Variants in MOSMO observed in about 807,000 individuals in gnomAD.
MOSMO encodes the protein modulator of smoothened protein.
Under a neutral mutation model 18.4 loss-of-function variants are expected in MOSMO, and 5 were observed. The ratio of observed to expected loss-of-function variants is 0.27; its 90% CI spans 0.14 to 0.57. The LOEUF is 0.57. Ranked by LOEUF, MOSMO falls within the 20% of genes least tolerant of loss-of-function variation. MOSMO has a pLI of 0.92. For missense variants in MOSMO, 138 were observed against 211.8 expected (o/e 0.65, Z 2.16); for synonymous variants, 82 against 82.3 (o/e 1.00, Z 0.02).
chr16:22,078,189 G>A (rs570494629), intron 2 of MOSMO, among the ~76,000 whole-genome samples: 4 of 151,682 alleles, frequency 2.6e-5, no homozygotes, highest in East Asian at 3.9e-4. Context: ...TCTGACTCTC[G>A]CCACCAAGAA....
At chr16:22,032,246 G>A (rs1900010601) in intron 1 of MOSMO, among the ~76,000 whole-genome samples, 1 of 147,192 alleles carries the variant, frequency 6.8e-6, no homozygotes, top group African/African-American at 2.5e-5. Flanking sequence ...CTAGAGTGCA[G>A]TGGAGCAATC....
At chr16:22,015,079 T>A (rs1279848907) in intron 1 of MOSMO, among the ~76,000 whole-genome samples, 1 of 152,168 alleles carries the variant, frequency 6.6e-6, no homozygotes, top group Non-Finnish European at 1.5e-5. Flanking sequence ...AACATTTTCA[T>A]TACTCCAAGA....
At chr16:22,031,759 A>G (rs941768793) in intron 1 of MOSMO, among the ~76,000 whole-genome samples, 1 of 152,214 alleles carries the variant, frequency 6.6e-6, no homozygotes, top group African/African-American at 2.4e-5. Flanking sequence ...TTCATCAGTA[A>G]GTAGACATTT....
intron 1 of MOSMO, among the ~76,000 whole-genome samples, chr16:22,066,404 A>G (rs1328478924): frequency 6.6e-6 from 1 of 152,178 alleles, no homozygotes; most frequent in Admixed American, 6.5e-5. Context: ...AAAAGCTCCA[A>G]CTTATTTCTG....
At chr16:22,010,266 A>C (rs1199203048) in intron 1 of MOSMO, among the ~76,000 whole-genome samples, 2 of 152,194 alleles carry the variant, frequency 1.3e-5, no homozygotes, top group Non-Finnish European at 2.9e-5. Flanking sequence ...ATTGTAAAAG[A>C]TATGAAGAAT....
chr16:22,023,554 T>G (rs1218413351), intron 1 of MOSMO, among the ~76,000 whole-genome samples: 2 of 152,196 alleles, frequency 1.3e-5, no homozygotes, highest in Non-Finnish European at 2.9e-5. Context: ...TTTCTCTTTT[T>G]ATTAGCCTAG....
intron 1 of MOSMO, among the ~76,000 whole-genome samples, chr16:22,057,275 G>A (rs1033767972): frequency 6.6e-6 from 1 of 152,224 alleles, no homozygotes; most frequent in Admixed American, 6.5e-5. Flanking sequence ...GGTGTCTGGT[G>A]AAGGACCAAT....
chr16:22,049,813 T>C (rs1900386646), intron 1 of MOSMO, among the ~76,000 whole-genome samples: 1 of 152,244 alleles, frequency 6.6e-6, no homozygotes, highest in African/African-American at 2.4e-5. Context: ...CTTTTATAAA[T>C]GTTAAGCCAG....
At chr16:22,037,360 CA>C (rs998874039) in intron 1 of MOSMO, among the ~76,000 whole-genome samples, 15 of 152,090 alleles carry the variant, frequency 9.9e-5, no homozygotes, top group African/African-American at 3.6e-4. Flanking sequence ...CAGTCTTGGC[CA>C]AAAAGGAATT....
intron 1 of MOSMO, among the ~76,000 whole-genome samples, chr16:22,073,859 T>C (rs1354189799): frequency 6.6e-6 from 1 of 152,070 alleles, no homozygotes; most frequent in African/African-American, 2.4e-5. Context: ...ATAAGTATAA[T>C]GTTGCTTGCA....
At chr16:22,024,138 C>T (rs1232755070) in intron 1 of MOSMO, among the ~76,000 whole-genome samples, 4 of 151,684 alleles carry the variant, frequency 2.6e-5, no homozygotes, top group African/African-American at 9.7e-5. Context: ...ATATTGAAAT[C>T]CTGGATCTAG....
Position 22,082,416 on chromosome 16 carries a change from A to G in MOSMO, c.*1536A>G, listed in dbSNP as rs947980306. 27 of 152,176 alleles carry G rather than the reference A, an allele frequency of 1.8e-4. No individual in the cohort carries two copies. Among genetic ancestry groups the G allele is most frequent in the Middle Eastern group, 3.4e-3 (1 of 294 alleles). 9.4% of individuals were successfully genotyped at this position (152,176 alleles called of 1,614,324 possible). The stretch of plus-strand genomic sequence containing the variant: ...TTTTTCCTGGTGAACACTATAGATA[A>G]TCTCCTGTTTGAAATGTGGGACAGG... On this transcript the variant is annotated 3_prime_UTR_variant, in exon 3 of 3. Transcript: ENST00000542527.
At chr16:22,062,345 G>C (rs1001638384) in intron 1 of MOSMO, among the ~76,000 whole-genome samples, 3 of 151,512 alleles carry the variant, frequency 2.0e-5, no homozygotes, top group Non-Finnish European at 4.4e-5. Flanking sequence ...ATTTATTTTA[G>C]AGAGAGGGTC....
At chr16:22,056,304 G>A (rs1900531949) in intron 1 of MOSMO, among the ~76,000 whole-genome samples, 2 of 148,216 alleles carry the variant, frequency 1.3e-5, no homozygotes, top group African/African-American at 5.0e-5. Context: ...TGTCAATTCT[G>A]TAGTCTTTTT....
At chr16:22,061,778 T>A (rs1900649595) in intron 1 of MOSMO, among the ~76,000 whole-genome samples, 1 of 152,194 alleles carries the variant, frequency 6.6e-6, no homozygotes, top group Non-Finnish European at 1.5e-5. Flanking sequence ...ATCTCTTTGC[T>A]TAGGAGATCA....
downstream of MOSMO, among the ~76,000 whole-genome samples, chr16:22,090,439 T>C (rs1329205149): frequency 6.6e-6 from 1 of 152,216 alleles, no homozygotes; most frequent in Non-Finnish European, 1.5e-5. Context: ...CCTCATGACA[T>C]TAAACACATT....
chr16:22,038,736 A>T (rs956684754), intron 1 of MOSMO, among the ~76,000 whole-genome samples: 2 of 152,228 alleles, frequency 1.3e-5, no homozygotes, highest in Non-Finnish European at 2.9e-5. Context: ...CAGCTAAAAA[A>T]ACAGATTTCT....
chr16:22,011,932 TAAAAAAAAA>T, intron 1 of MOSMO, among the ~76,000 whole-genome samples: 1 of 120,544 alleles, frequency 8.3e-6, no homozygotes, highest in Non-Finnish European at 1.7e-5. Flanking sequence ...AGTCCTGAGT[TAAAAAAAAA>T]AAAAAAAAAA....
chr16:22,015,703 G>A (rs1427061866), intron 1 of MOSMO, among the ~76,000 whole-genome samples: 1 of 152,080 alleles, frequency 6.6e-6, no homozygotes, highest in Admixed American at 6.6e-5. Flanking sequence ...TTTTCCAATA[G>A]GAAATTAGAT....
Sources: gnomAD v4.1 joint callset for allele counts (sites outside exome capture counted in the v4.1 genomes callset) on GRCh38, gnomAD v4.1.1 for gene constraint, MANE v1.5 for transcripts, NCBI Gene and HGNC (gene_info 2026-07-23, HGNC 2026-07-21) for gene names.